IQCK: variants seen among roughly 807,000 people sequenced by gnomAD.
The protein encoded by IQCK is IQ domain-containing protein K.
IQCK carries 29 observed loss-of-function variants against 28.1 expected under a neutral mutation model. The observed-to-expected ratio is 1.03, with a 90% CI of 0.77 to 1.41. The LOEUF (loss-of-function observed/expected upper bound fraction) is 1.41, where lower values mean the gene tolerates loss of function less well. Among genes scored for constraint, IQCK ranks in the 40% most tolerant of loss-of-function variants. IQCK has a pLI of 0.00. For synonymous variants in IQCK, 113 were observed against 115.1 expected (o/e 0.98, Z 0.12); for missense variants, 359 against 314.7 (o/e 1.14, Z -1.07).
intron 6 of IQCK, among the ~76,000 whole-genome samples, chr16:19,784,228 G>A (rs2055532614): frequency 6.6e-6 from 1 of 150,746 alleles, no homozygotes; most frequent in East Asian, 1.9e-4. Flanking sequence ...TTTTTTCTTC[G>A]AAGCAAATGA....
At chr16:19,822,067 C>CAAAAAAAAAAAA (rs35060834) in intron 7 of IQCK, among the ~76,000 whole-genome samples, 165 of 63,480 alleles carry the variant, frequency 2.6e-3, no homozygotes, top group East Asian at 4.5e-3. Flanking sequence ...GACCCTGTCT[C>CAAAAAAAAAAAA]AAAAAAAAAA....
At chr16:19,761,476 A>C (rs1401167842) in intron 4 of IQCK, 1 of 450,992 alleles carries the variant, frequency 2.2e-6, no homozygotes. Context: ...TTTCCAGGAC[A>C]CTTTGTAGCA....
intron 4 of IQCK, among the ~76,000 whole-genome samples, chr16:19,740,660 C>G (rs112056567): frequency 0.01 from 1,573 of 152,234 alleles, 21 homozygotes; most frequent in African/African-American, 0.035. Context: ...GTGGAATAAT[C>G]TTTGTTTTCA....
intron 9 of IQCK, among the ~76,000 whole-genome samples, chr16:19,835,587 C>CTTTT (rs372317479): frequency 4.0e-4 from 56 of 138,942 alleles, no homozygotes; most frequent in African/African-American, 1.4e-3. Context: ...CTTTTCTTTT[C>CTTTT]TTTTTTTTTT....
intron 7 of IQCK, among the ~76,000 whole-genome samples, chr16:19,826,190 T>C (rs1460878018): frequency 6.6e-6 from 1 of 152,098 alleles, no homozygotes; most frequent in Non-Finnish European, 1.5e-5. Context: ...TTATTTTTTA[T>C]AGAGATGACG....
chr16:19,801,850 G>C (rs2055764721), intron 7 of IQCK, among the ~76,000 whole-genome samples: 3 of 144,982 alleles, frequency 2.1e-5, no homozygotes, highest in Non-Finnish European at 4.4e-5. Context: ...TCTATTTAGA[G>C]AAGATCTGGC....
At chr16:19,722,009 C>T (rs1977510777) in intron 1 of IQCK, among the ~76,000 whole-genome samples, 1 of 152,222 alleles carries the variant, frequency 6.6e-6, no homozygotes. Flanking sequence ...CCTTTCATTT[C>T]ACCTGCCAGA....
chr16:19,850,758 T>C (rs2056472001), intron 9 of IQCK, among the ~76,000 whole-genome samples: 1 of 152,158 alleles, frequency 6.6e-6, no homozygotes, highest in South Asian at 2.1e-4. Flanking sequence ...CTCACACCTG[T>C]GACCCTATCA....
At chr16:19,773,839 A>G (rs2055351022) in intron 6 of IQCK, among the ~76,000 whole-genome samples, 1 of 152,198 alleles carries the variant, frequency 6.6e-6, no homozygotes, top group Admixed American at 6.5e-5. Flanking sequence ...GAAAGATGGA[A>G]GGAGAGAAAA....
intron 9 of IQCK, among the ~76,000 whole-genome samples, chr16:19,833,576 A>G (rs1200754645): frequency 6.6e-6 from 1 of 152,212 alleles, no homozygotes; most frequent in East Asian, 1.9e-4. Flanking sequence ...ACTATAACAT[A>G]CTGAACACCA....
chr16:19,844,058 G>C (rs575192021), intron 9 of IQCK, among the ~76,000 whole-genome samples: 1 of 151,484 alleles, frequency 6.6e-6, no homozygotes, highest in African/African-American at 2.4e-5. Context: ...TCATGTACAA[G>C]GTTTTGTGTA....
chr16:19,842,617 G>A (rs2056374376), intron 9 of IQCK, among the ~76,000 whole-genome samples: 1 of 152,170 alleles, frequency 6.6e-6, no homozygotes, highest in South Asian at 2.1e-4. Flanking sequence ...GAAAAATGTT[G>A]CTTCCCTTGA....
intron 6 of IQCK, among the ~76,000 whole-genome samples, chr16:19,766,757 G>A (rs534802137): frequency 6.6e-6 from 1 of 152,320 alleles, no homozygotes; most frequent in East Asian, 1.9e-4. Flanking sequence ...CAAGGGGAAT[G>A]AGGCAAAACT....
At chr16:19,846,121 A>G (rs1261408084) in intron 9 of IQCK, among the ~76,000 whole-genome samples, 1 of 152,224 alleles carries the variant, frequency 6.6e-6, no homozygotes, top group Non-Finnish European at 1.5e-5. Flanking sequence ...TGTGCCATAC[A>G]ATATGTACCA....
At chr16:19,733,600 T>G in intron 2 of IQCK, 98 bp from the exon 3 acceptor site, 2 of 1,401,086 alleles carry the variant, frequency 1.4e-6, no homozygotes, top group South Asian at 1.3e-5. Context: ...AACCTTAAAG[T>G]CTGATGCAGA....
At chr16:19,774,780 A>G (rs2055367960) in intron 6 of IQCK, among the ~76,000 whole-genome samples, 1 of 152,252 alleles carries the variant, frequency 6.6e-6, no homozygotes, top group Non-Finnish European at 1.5e-5. Context: ...CATGACATGT[A>G]GAAACGACAA....
intron 9 of IQCK, among the ~76,000 whole-genome samples, chr16:19,839,285 C>A (rs1279720200): frequency 6.6e-6 from 1 of 151,660 alleles, no homozygotes; most frequent in Non-Finnish European, 1.5e-5. Flanking sequence ...CTCAGCCTCC[C>A]GAGTAGCTGG....
At chr16:19,732,803 G>T (rs907096249) in intron 2 of IQCK, among the ~76,000 whole-genome samples, 1 of 152,262 alleles carries the variant, frequency 6.6e-6, no homozygotes, top group South Asian at 2.1e-4. Context: ...GCCCTAAGTG[G>T]TTCTAAGTGT....
At chr16:19,723,264 A>G (rs1977553975) in intron 1 of IQCK, among the ~76,000 whole-genome samples, 1 of 152,248 alleles carries the variant, frequency 6.6e-6, no homozygotes, top group African/African-American at 2.4e-5. Context: ...TTCAAATCTA[A>G]TCGCATCATG....
Sources: gnomAD v4.1 joint callset for allele counts (sites outside exome capture counted in the v4.1 genomes callset) on GRCh38, gnomAD v4.1.1 for gene constraint, MANE v1.5 for transcripts, NCBI Gene and HGNC (gene_info 2026-07-23, HGNC 2026-07-21) for gene names.